FARP1: variants seen among roughly 807,000 people sequenced by gnomAD.
The protein encoded by FARP1 is FERM, ARH/RhoGEF and pleckstrin domain protein 1, also known as FERM, ARHGEF and pleckstrin domain-containing protein 1.
FARP1 carries 52 observed loss-of-function variants against 128.8 expected under a neutral mutation model. That is an observed-to-expected ratio of 0.40 (90% CI 0.32 to 0.51). FARP1 has a LOEUF of 0.51. FARP1 is among the 20% of genes least tolerant of loss of function. FARP1 has a pLI of 0.45. For synonymous variants in FARP1, 580 were observed against 551.8 expected (o/e 1.05, Z -0.72); for missense variants, 1,333 against 1,367.9 (o/e 0.97, Z 0.40).
intron 1 of FARP1, among the ~76,000 whole-genome samples, chr13:98,151,709 T>TGGAGTGCA (rs1413512090): frequency 7.3e-6 from 1 of 136,270 alleles, no homozygotes. Flanking sequence ...TCACCCAGGC[T>TGGAGTGCA]GGAGTGCAGT....
At chr13:98,172,889 G>A (rs757602795) in intron 1 of FARP1, among the ~76,000 whole-genome samples, 9 of 152,182 alleles carry the variant, frequency 5.9e-5, no homozygotes, top group Non-Finnish European at 1.3e-4. Flanking sequence ...GCAGATCCAC[G>A]TTATTGTACT....
intron 1 of FARP1, among the ~76,000 whole-genome samples, chr13:98,208,295 A>C (rs1880418782): frequency 6.8e-6 from 1 of 148,056 alleles, no homozygotes; most frequent in African/African-American, 2.6e-5. Context: ...AACATGGTGA[A>C]ACCCCATCTC....
At chr13:98,445,305 T>A (rs1892753825) in intron 24 of FARP1, 3 of 152,284 alleles carry the variant, frequency 2.0e-5, no homozygotes. Flanking sequence ...GCAACTGCTT[T>A]GAGTCTCTGC....
intron 4 of FARP1, among the ~76,000 whole-genome samples, chr13:98,366,498 G>C (rs1269742346): frequency 6.6e-6 from 1 of 152,178 alleles, no homozygotes; most frequent in African/African-American, 2.4e-5. Context: ...CTAGGAGATC[G>C]ACATTTGTCC....
chr13:98,301,683 C>G (rs80018925), intron 2 of FARP1, among the ~76,000 whole-genome samples: 1 of 152,164 alleles, frequency 6.6e-6, no homozygotes, highest in South Asian at 2.1e-4. Flanking sequence ...ATAAACCTTT[C>G]GGGCTTTTGG....
intron 24 of FARP1, among the ~76,000 whole-genome samples, chr13:98,443,921 G>A (rs1892652761): frequency 1.3e-5 from 2 of 152,262 alleles, no homozygotes; most frequent in African/African-American, 2.4e-5. Context: ...GGCGGGCACG[G>A]GGGTTATATT....
chr13:98,360,474 C>T (rs369639112), intron 3 of FARP1, among the ~76,000 whole-genome samples: 1 of 149,018 alleles, frequency 6.7e-6, no homozygotes, highest in Non-Finnish European at 1.5e-5. Flanking sequence ...CTTGGACAGA[C>T]ACTGGAAATG....
chr13:98,294,942 G>A (rs901726160), intron 2 of FARP1, among the ~76,000 whole-genome samples: 50 of 151,508 alleles, frequency 3.3e-4, no homozygotes, highest in African/African-American at 1.1e-3. Flanking sequence ...GCTTGATCCC[G>A]AGAGGCAGAG....
intron 3 of FARP1, among the ~76,000 whole-genome samples, chr13:98,353,531 A>C (rs1294181241): frequency 2.0e-5 from 3 of 152,092 alleles, no homozygotes; most frequent in Admixed American, 6.6e-5. Context: ...GGCATGTGCA[A>C]CCATGCCCAG....
chr13:98,278,581 C>T (rs1326136219), intron 2 of FARP1, among the ~76,000 whole-genome samples: 3 of 152,110 alleles, frequency 2.0e-5, no homozygotes, highest in Non-Finnish European at 2.9e-5. Flanking sequence ...CCTTCGTTTT[C>T]TGGTTCGGAG....
chr13:98,393,502 T>G, intron 11 of FARP1, 141 bp from the exon 12 acceptor site: 1 of 656,952 alleles, frequency 1.5e-6, no homozygotes, highest in Admixed American at 2.4e-5. Context: ...CAAGTAGCAT[T>G]TGTAAAGGCG....
At chr13:98,312,718 T>A (rs1594388492) in intron 2 of FARP1, among the ~76,000 whole-genome samples, 1 of 152,188 alleles carries the variant, frequency 6.6e-6, no homozygotes, top group Middle Eastern at 3.4e-3. Context: ...ATTTGAAGCA[T>A]CTCTTACATC....
intron 2 of FARP1, among the ~76,000 whole-genome samples, chr13:98,259,035 C>T (rs1333528933): frequency 6.6e-6 from 1 of 151,834 alleles, no homozygotes; most frequent in Non-Finnish European, 1.5e-5. Flanking sequence ...TAGTGAGACC[C>T]TGTCTGTCTC....
intron 4 of FARP1, among the ~76,000 whole-genome samples, chr13:98,366,732 G>C (rs74468010): frequency 0.043 from 6,514 of 152,314 alleles, 165 homozygotes; most frequent in Middle Eastern, 0.095. Flanking sequence ...GAAAATCGCA[G>C]AGAATAAGTG....
intron 2 of FARP1, chr13:98,244,728 G>A (rs745555966): frequency 2.1e-5 from 33 of 1,607,850 alleles, no homozygotes; most frequent in Non-Finnish European, 2.7e-5. Flanking sequence ...TTGAAGTCCT[G>A]TTTCATTATT....
chr13:98,253,990 A>G (rs1883472955), intron 2 of FARP1, among the ~76,000 whole-genome samples: 2 of 152,200 alleles, frequency 1.3e-5, no homozygotes, highest in African/African-American at 4.8e-5. Context: ...GGCTCATCGC[A>G]TAGTTATATA....
At chr13:98,193,643 C>G (rs1378542127) in intron 1 of FARP1, among the ~76,000 whole-genome samples, 2 of 152,230 alleles carry the variant, frequency 1.3e-5, no homozygotes, top group Non-Finnish European at 2.9e-5. Flanking sequence ...GCACATTCTT[C>G]AAGTAGCAAC....
intron 2 of FARP1, among the ~76,000 whole-genome samples, chr13:98,289,126 T>G (rs918592926): frequency 1.4e-4 from 21 of 152,342 alleles, no homozygotes; most frequent in African/African-American, 5.1e-4. Context: ...AATGTACTTT[T>G]GGGCTGAATT....
intron 2 of FARP1, among the ~76,000 whole-genome samples, chr13:98,217,721 A>G (rs192369389): frequency 5.6e-4 from 85 of 152,306 alleles, no homozygotes; most frequent in Non-Finnish European, 8.7e-4. Context: ...TTCTCATGCC[A>G]GAACACCCTC....
Sources: gnomAD v4.1 joint callset for allele counts (sites outside exome capture counted in the v4.1 genomes callset) on GRCh38, gnomAD v4.1.1 for gene constraint, MANE v1.5 for transcripts, NCBI Gene and HGNC (gene_info 2026-07-23, HGNC 2026-07-21) for gene names.